JAZF1: variants seen among roughly 807,000 people sequenced by gnomAD.
JAZF1 encodes JAZF zinc finger 1, also known as juxtaposed with another zinc finger protein 1.
A neutral mutation model predicts 26.4 loss-of-function variants in JAZF1; 8 were observed. The observed-to-expected ratio is 0.30, with a 90% CI of 0.18 to 0.55. The LOEUF is 0.55. Ranked by LOEUF, JAZF1 falls within the 20% of genes least tolerant of loss-of-function variation. JAZF1 has a pLI of 0.94. For missense variants in JAZF1, 199 were observed against 322.0 expected, an observed-to-expected ratio of 0.62 and a Z score of 2.92; for synonymous variants, 126 against 122.3, an observed-to-expected ratio of 1.03 and a Z score of -0.20.
intron 2 of JAZF1, among the ~76,000 whole-genome samples, chr7:27,973,752 C>G (rs555229342): frequency 6.6e-5 from 10 of 152,158 alleles, no homozygotes. Flanking sequence ...AGAAGGAGTA[C>G]GCTGCAAGCC....
At chr7:27,987,894 C>A (rs1308893727) in intron 2 of JAZF1, among the ~76,000 whole-genome samples, 78 of 152,318 alleles carry the variant, frequency 5.1e-4, no homozygotes, top group Non-Finnish European at 2.9e-5. Context: ...TTACCCCCAA[C>A]CCCATGCTCT....
At chr7:27,844,122 G>C (rs1242995257) in intron 3 of JAZF1, 1 of 152,250 alleles carries the variant, frequency 6.6e-6, no homozygotes, top group Non-Finnish European at 1.5e-5. Flanking sequence ...CGGGACTCGA[G>C]TCACAGGCGC....
chr7:28,179,263 T>C (rs554435235), intron 1 of JAZF1, among the ~76,000 whole-genome samples: 1 of 152,344 alleles, frequency 6.6e-6, no homozygotes, highest in South Asian at 2.1e-4. Context: ...CCGCAGGTGG[T>C]TGGACCGCCT....
At chr7:27,931,431 A>C (rs1021567385) in intron 2 of JAZF1, among the ~76,000 whole-genome samples, 3 of 152,230 alleles carry the variant, frequency 2.0e-5, no homozygotes, top group African/African-American at 7.2e-5. Flanking sequence ...CAAAAAACAC[A>C]GGACTATTAC....
At chr7:27,858,214 G>A (rs915895051) in intron 3 of JAZF1, among the ~76,000 whole-genome samples, 1 of 152,106 alleles carries the variant, frequency 6.6e-6, no homozygotes, top group African/African-American at 2.4e-5. Context: ...ATAAACCACT[G>A]GTCAAGGAAA....
intron 1 of JAZF1, among the ~76,000 whole-genome samples, chr7:28,116,035 T>C (rs1784736110): frequency 6.6e-6 from 1 of 152,250 alleles, no homozygotes; most frequent in African/African-American, 2.4e-5. Context: ...TCATAGTTTA[T>C]TTAACCAGTC....
chr7:27,841,020 G>GGTT lies in JAZF1; in HGVS notation c.386-154_386-153insAAC. 4.4e-6 allele frequency: 3 copies of GGTT among 686,320 alleles called. No homozygotes were observed. The South Asian group carries it at 5.6e-5, about 13-fold the overall frequency. The allele number at this position is 686,320 out of a possible 1,614,324, so 42.5% of individuals were successfully genotyped here. On this transcript the variant is annotated intron_variant, in intron 3 of 4. Transcript: ENST00000283928. ...CCGGCACCAGGGGACTGCAAACACG[G>GGTT]CTATTCCCTTACAACCCTGGAAGCA...
At chr7:27,980,585 A>T (rs1230051608) in intron 2 of JAZF1, among the ~76,000 whole-genome samples, 1 of 152,122 alleles carries the variant, frequency 6.6e-6, no homozygotes, top group East Asian at 1.9e-4. Context: ...GTTTCATTTC[A>T]ATTTTGAGAT....
intron 1 of JAZF1, among the ~76,000 whole-genome samples, chr7:28,164,565 C>T (rs1783338086): frequency 1.3e-5 from 2 of 152,128 alleles, no homozygotes; most frequent in South Asian, 4.1e-4. Flanking sequence ...CTCTCCATAA[C>T]ATGCAGATGT....
At chr7:28,115,867 C>T (rs1403066316) in intron 1 of JAZF1, among the ~76,000 whole-genome samples, 3 of 152,082 alleles carry the variant, frequency 2.0e-5, no homozygotes, top group Non-Finnish European at 4.4e-5. Context: ...ATTTTGTCTC[C>T]TTTCTACATC....
intron 2 of JAZF1, among the ~76,000 whole-genome samples, chr7:27,988,854 T>C (rs1383598823): frequency 6.7e-6 from 1 of 150,006 alleles, no homozygotes; most frequent in Non-Finnish European, 1.5e-5. Flanking sequence ...ATGTCAGTAG[T>C]TGTATGATGG....
At chr7:27,891,780 C>G (rs914612427) in intron 3 of JAZF1, among the ~76,000 whole-genome samples, 1 of 152,122 alleles carries the variant, frequency 6.6e-6, no homozygotes, top group Non-Finnish European at 1.5e-5. Flanking sequence ...CTGCAGTGAG[C>G]TATGATAGCA....
At chr7:27,964,964 T>G (rs1785249817) in intron 2 of JAZF1, among the ~76,000 whole-genome samples, 1 of 152,166 alleles carries the variant, frequency 6.6e-6, no homozygotes, top group Non-Finnish European at 1.5e-5. Flanking sequence ...TATGTTCGCA[T>G]GTGTTTCTTT....
At chr7:28,143,828 A>G (rs1782990476) in intron 1 of JAZF1, among the ~76,000 whole-genome samples, 1 of 152,202 alleles carries the variant, frequency 6.6e-6, no homozygotes, top group Non-Finnish European at 1.5e-5. Flanking sequence ...GCTCCTCCTT[A>G]TATACCGTAA....
chr7:27,945,025 T>A (rs960292131), intron 2 of JAZF1, among the ~76,000 whole-genome samples: 3 of 152,144 alleles, frequency 2.0e-5, no homozygotes, highest in African/African-American at 7.2e-5. Flanking sequence ...TGCATTATCA[T>A]CTTAAAACTA....
intron 1 of JAZF1, among the ~76,000 whole-genome samples, chr7:28,036,787 G>A (rs1043847714): frequency 8.5e-5 from 13 of 152,246 alleles, no homozygotes; most frequent in African/African-American, 3.1e-4. Context: ...TGTTGGGGGT[G>A]AGGCTGTGCT....
intron 3 of JAZF1, among the ~76,000 whole-genome samples, chr7:27,891,258 G>A (rs112742369): frequency 2.0e-5 from 3 of 152,232 alleles, no homozygotes; most frequent in African/African-American, 7.2e-5. Flanking sequence ...TAAAGTTTTA[G>A]AAAAACTTTT....
chr7:28,095,933 T>C (rs529550086), intron 1 of JAZF1, among the ~76,000 whole-genome samples: 7 of 152,220 alleles, frequency 4.6e-5, no homozygotes, highest in Non-Finnish European at 1.0e-4. Flanking sequence ...CGGAGAGCTC[T>C]GGTGCTCCTC....
At chr7:27,882,295 C>A (rs1452820850) in intron 3 of JAZF1, among the ~76,000 whole-genome samples, 1 of 151,480 alleles carries the variant, frequency 6.6e-6, no homozygotes, top group South Asian at 2.1e-4. Flanking sequence ...CCAAGCAGAG[C>A]CTAATTGGCT....
Sources: gnomAD v4.1 joint callset for allele counts (sites outside exome capture counted in the v4.1 genomes callset) on GRCh38, gnomAD v4.1.1 for gene constraint, MANE v1.5 for transcripts, NCBI Gene and HGNC (gene_info 2026-07-23, HGNC 2026-07-21) for gene names.